Variants in WTAP observed in about 807,000 individuals in gnomAD.
WTAP encodes pre-mRNA-splicing regulator WTAP.
In WTAP, 8 loss-of-function variants were observed where a neutral mutation model predicts 50.0. That is an observed-to-expected ratio of 0.16 (90% confidence interval 0.09 to 0.29). WTAP has a LOEUF of 0.29. WTAP is among the 10% of genes least tolerant of loss of function. The pLI is 1.00. For missense variants in WTAP, 295 were observed against 470.7 expected (o/e 0.63, Z 3.45); for synonymous variants, 194 against 169.0 (o/e 1.15, Z -1.15).
At chr6:159,727,322 G>A (rs747000460), upstream of WTAP, 10 of 1,272,608 alleles carry the variant, frequency 7.9e-6, no homozygotes, top group South Asian at 1.1e-4. Flanking sequence ...ACGCCTGAAA[G>A]GCGACTCTCC....
At chr6:159,734,324 T>A (rs1458192133) in intron 1 of WTAP, among the ~76,000 whole-genome samples, 1 of 150,390 alleles carries the variant, frequency 6.6e-6, no homozygotes, top group Non-Finnish European at 1.5e-5. Flanking sequence ...CAAGTAGCTT[T>A]CGAGATGATG....
At chr6:159,731,963 CTG>C (rs1778599019) in intron 1 of WTAP, among the ~76,000 whole-genome samples, 1 of 151,944 alleles carries the variant, frequency 6.6e-6, no homozygotes, top group Non-Finnish European at 1.5e-5. Flanking sequence ...ATATGGATAC[CTG>C]TCTTTAAGAA....
At chr6:159,750,229 G>A (rs1779768861) in intron 6 of WTAP, among the ~76,000 whole-genome samples, 1 of 152,130 alleles carries the variant, frequency 6.6e-6, no homozygotes, top group Non-Finnish European at 1.5e-5. Context: ...CAGTAGAAAT[G>A]GCCTAAGTAT....
At chr6:159,745,867 T>C (rs542720355) in intron 5 of WTAP, among the ~76,000 whole-genome samples, 19 of 152,102 alleles carry the variant, frequency 1.2e-4, no homozygotes, top group Non-Finnish European at 2.5e-4. Context: ...AATAGGTGTT[T>C]TGGAGGCACA....
intron 1 of WTAP, among the ~76,000 whole-genome samples, chr6:159,729,891 C>G (rs1264615615): frequency 6.6e-6 from 1 of 152,150 alleles, no homozygotes; most frequent in East Asian, 1.9e-4. Flanking sequence ...CTTTATGATG[C>G]TAAGAGCCAG....
intron 3 of WTAP, 64 bp downstream of exon 3, chr6:159,739,109 G>T: frequency 7.7e-7 from 1 of 1,295,426 alleles, no homozygotes; most frequent in Non-Finnish European, 1.1e-6. Context: ...ACTCTACACT[G>T]TAATTGTCTT....
At chr6:159,746,707 T>C (rs536880194) in intron 5 of WTAP, among the ~76,000 whole-genome samples, 2 of 152,354 alleles carry the variant, frequency 1.3e-5, no homozygotes, top group African/African-American at 4.8e-5. Context: ...TCATTTTTGT[T>C]CACCTCAGTG....
At chr6:159,734,345 C>A (rs1384698091) in intron 1 of WTAP, among the ~76,000 whole-genome samples, 3 of 149,110 alleles carry the variant, frequency 2.0e-5, no homozygotes, top group Admixed American at 6.7e-5. Context: ...CCACAGCACT[C>A]CAGCCTGGCA....
intron 6 of WTAP, chr6:159,749,222 T>C (rs1398225189): frequency 1.0e-6 from 1 of 985,722 alleles, no homozygotes; most frequent in Admixed American, 6.2e-5. Flanking sequence ...ATTTCACAAC[T>C]AGATTGTATA....
chr6:159,753,888 G>C (rs1029481307), intron 7 of WTAP, among the ~76,000 whole-genome samples: 31 of 152,148 alleles, frequency 2.0e-4, no homozygotes, highest in Non-Finnish European at 4.0e-4. Flanking sequence ...ATAAAAGGGT[G>C]TTGTATTACT....
In WTAP at chr6:159,748,364, T is replaced by A; in HGVS notation, c.447T>A (p.Pro149=). ...QNELSAWKFT[P]DSQTGKKLMA... is the part of the protein sequence containing the mutation. Reference sequence around the variant, plus strand: ...AACTGAGTGCCTGGAAGTTTACGCCTGATAGGTAAACAAATCATACTCCCC... The same window carrying A: ...AACTGAGTGCCTGGAAGTTTACGCCAGATAGGTAAACAAATCATACTCCCC... Residue 149 remains proline (P), a synonymous_variant, in exon 6 of 8, where the codon CCT becomes CCA. Coordinates refer to ENST00000621533, the MANE Select transcript of WTAP (RefSeq NM_001270531.2). This position sits in a 1 kb window ranked among gnomAD's most constrained non-coding sequence, Gnocchi z 5.6. 6.2e-7 allele frequency: 1 copy of A among 1,613,530 alleles called. No homozygotes were observed. The highest frequency in any genetic ancestry group is 8.5e-7 in the Non-Finnish European group (1 of 1,179,520).
At chr6:159,727,018 C>G, upstream of WTAP, 1 of 1,241,610 alleles carries the variant, frequency 8.1e-7, no homozygotes, top group Non-Finnish European at 1.0e-6. Context: ...ACGAGGCAGC[C>G]CCGCAGCCGC....
chr6:159,734,727 A>C (rs923138547), intron 1 of WTAP, among the ~76,000 whole-genome samples: 3 of 152,202 alleles, frequency 2.0e-5, no homozygotes, highest in Admixed American at 6.5e-5. Flanking sequence ...TGCCAAATGC[A>C]ATTTAGATGC....
intron 1 of WTAP, among the ~76,000 whole-genome samples, chr6:159,728,487 G>T (rs185050501): frequency 1.3e-5 from 2 of 152,280 alleles, no homozygotes; most frequent in East Asian, 3.9e-4. Flanking sequence ...GTTACAATTG[G>T]AAGTTGTATT....
In WTAP at chr6:159,748,868, C is replaced by T; in HGVS notation, c.452+499C>T. 8.3e-7 allele frequency: 1 copy of T among 1,206,586 alleles called. No homozygotes were observed. The highest frequency in any genetic ancestry group is 4.3e-5 in the South Asian group (1 of 23,270). The allele number at this position is 1,206,586 out of a possible 1,614,324, so 74.7% of individuals were successfully genotyped here. ...ATAGTGACTTAGAGACACTGTGTAT[C>T]AGTTTTGCCAATAAGACTGTGGACT... On this transcript the variant is annotated intron_variant, in intron 6 of 7. Coordinates refer to ENST00000621533, the MANE Select transcript of WTAP (RefSeq NM_001270531.2). This position sits in a 1 kb window ranked among gnomAD's most constrained non-coding sequence, Gnocchi z 5.6.
rs1292237688 is a variant in WTAP at position 159,727,540 on chromosome 6, C to T, written c.-172C>T. 1 of 991,128 alleles carries T rather than the reference C, an allele frequency of 1.0e-6. No individual in the cohort carries two copies. Among genetic ancestry groups the T allele is most frequent in the Non-Finnish European group, 1.2e-6 (1 of 834,454 alleles). The allele number at this position is 991,128 out of a possible 1,614,324, so 61.4% of individuals were successfully genotyped here. A position where few individuals can be genotyped will look rare whatever the true frequency, so the allele number is the denominator to read the frequency against. On this transcript the variant is annotated 5_prime_UTR_variant, in exon 1 of 8. Coordinates refer to ENST00000621533, the MANE Select transcript of WTAP (RefSeq NM_001270531.2). ...CGCCATTTTGTGGCAGCGAGACCCA[C>T]AAATAAAGGGGAGCGCAGGGGTTGC... is the stretch of plus-strand genomic sequence containing the variant.
At chr6:159,729,249 TTA>T (rs1778417152) in intron 1 of WTAP, among the ~76,000 whole-genome samples, 2 of 152,222 alleles carry the variant, frequency 1.3e-5, no homozygotes, top group African/African-American at 2.4e-5. Flanking sequence ...AAATTGTACG[TTA>T]GTTAGTAGGT....
At chr6:159,727,146 G>C (rs566586638), upstream of WTAP, 60 of 1,194,628 alleles carry the variant, frequency 5.0e-5, no homozygotes, top group Non-Finnish European at 6.1e-5. Context: ...GCTGAGCTCC[G>C]GGGCCCGCGG....
Position 159,727,933 on chromosome 6 carries a change from G to A in WTAP, c.-9+230G>A, listed in dbSNP as rs192710772. ...TCCGTCCCCAAGGCCCGGGTTGAGAGGGGTGCTCTGGCGGCCGGAGAGACC... is the reference window on the plus strand; with the variant it reads ...TCCGTCCCCAAGGCCCGGGTTGAGAAGGGTGCTCTGGCGGCCGGAGAGACC... On this transcript the variant is annotated intron_variant, in intron 1 of 7. Transcript: ENST00000621533. Among the ~76,000 whole-genome samples the A allele has an allele frequency of 5.9e-5, 9 of 152,358 alleles. No individual in the cohort carries two copies. The East Asian group carries it at 1.2e-3, about 20-fold the overall frequency.
Sources: allele counts gnomAD v4.1 joint callset (sites outside exome capture counted in the v4.1 genomes callset), GRCh38; gene constraint gnomAD v4.1.1; non-coding constraint Gnocchi (gnomAD v3.1); transcripts MANE v1.5; gene names NCBI Gene and HGNC (gene_info 2026-07-23, HGNC 2026-07-21).